Variants in RGL3 observed in about 807,000 individuals in gnomAD.
RGL3 encodes the protein ral guanine nucleotide dissociation stimulator-like 3.
A neutral mutation model predicts 90.6 loss-of-function variants in RGL3; 85 were observed. The ratio of observed to expected loss-of-function variants is 0.94; its 90% CI spans 0.79 to 1.12. RGL3 has a LOEUF of 1.12. Ranked by LOEUF, RGL3 falls within the 50% of genes most tolerant of loss-of-function variation. The pLI is 0.00. For synonymous variants in RGL3, 408 were observed against 385.5 expected, an observed-to-expected ratio of 1.06 and a Z score of -0.68; for missense variants, 1,034 against 939.2, an observed-to-expected ratio of 1.10 and a Z score of -1.32.
At chr19:11,409,183 AAAG>A (rs1294099343) in intron 5 of RGL3, among the ~76,000 whole-genome samples, 2 of 150,294 alleles carry the variant, frequency 1.3e-5, no homozygotes, top group Non-Finnish European at 3.0e-5. Flanking sequence ...AAAAAAAAAA[AAAG>A]AAAAGAAAAG....
Position 11,418,776 on chromosome 19 carries a change from C to T in RGL3, c.42G>A (p.Leu14=). The T allele has an allele frequency of 6.5e-7, 1 of 1,549,312 alleles. No homozygotes were observed. Among genetic ancestry groups the T allele is most frequent in the Non-Finnish European group, 8.7e-7 (1 of 1,150,622 alleles). Residue 14 remains leucine, a synonymous_variant, in exon 2 of 19, where the codon CTG becomes CTA. Coordinates refer to ENST00000380456, the MANE Select transcript of RGL3 (RefSeq NM_001035223.4). ...CCTCGGTCTCTTCACCCCAGTCCTGCAGCGGTGCCTGGACGCACAGGCGGA... is the reference window on the plus strand; with the variant it reads ...CCTCGGTCTCTTCACCCCAGTCCTGTAGCGGTGCCTGGACGCACAGGCGGA... ...TAGKELALAP[L]QDWGEETEDG... is the part of the protein sequence containing the mutation.
intron 7 of RGL3, among the ~76,000 whole-genome samples, 187 bp downstream of exon 7, chr19:11,406,232 G>A (rs139121772): frequency 2.1e-3 from 321 of 152,150 alleles, no homozygotes; most frequent in African/African-American, 7.2e-3. Context: ...TTGGGACCTA[G>A]TCGTGCCCGC....
rs58510644 is a variant in RGL3, at chr19:11,414,306, C to CAT, written c.637+1629_637+1630dup. Among the ~76,000 whole-genome samples the CAT allele has an allele frequency of 5.6e-3, 273 of 48,744 alleles. 46 individuals carry two copies. The highest frequency in any genetic ancestry group is 0.027 in the African/African-American group (247 of 9,102). The allele number at this position is 48,744 out of a possible 152,430, so 32.0% of individuals were successfully genotyped here. On this transcript the variant is annotated intron_variant, in intron 5 of 18. Coordinates refer to ENST00000380456, the MANE Select transcript of RGL3 (RefSeq NM_001035223.4). ...ATATATATATACCTTCATATATATACATATATATATATACCTTCATATATA... is the reference window on the plus strand; with the variant it reads ...ATATATATATACCTTCATATATATACATATATATATATATACCTTCATATATA...
intron 9 of RGL3, among the ~76,000 whole-genome samples, chr19:11,404,133 T>C (rs1012217976): frequency 6.6e-5 from 10 of 151,802 alleles, no homozygotes; most frequent in South Asian, 2.1e-4. Flanking sequence ...TCCTCTCACC[T>C]TGGCCTCCCA....
In RGL3 at chr19:11,415,985, C is replaced by G; in HGVS notation, c.589G>C (p.Glu197Gln). Reference protein sequence around the residue: ...KAEKLLEDFLEEAEREQEEEP... With the variant: ...KAEKLLEDFLQEAEREQEEEP... ...TCTTCCTGCTCTCGCTCAGCCTCCT[C>G]CAAAAAATCTTCCAGAAGCTTCTCT... The change falls in exon 5 of 19, where the codon GAG (glutamate) becomes CAG (glutamine). Residue 197 changes from glutamate to glutamine, a missense_variant. Physicochemically the swap from Glu to Gln is conservative, Grantham distance 29 (BLOSUM62 2). Coordinates refer to ENST00000380456, the MANE Select transcript of RGL3 (RefSeq NM_001035223.4). 6.2e-7 allele frequency: 1 copy of G among 1,613,956 alleles called. No homozygotes were observed. Among genetic ancestry groups the G allele is most frequent in the Non-Finnish European group, 8.5e-7 (1 of 1,179,988 alleles).
chr19:11,396,068 G>A (rs1368371279), intron 18 of RGL3, among the ~76,000 whole-genome samples: 1 of 132,578 alleles, frequency 7.5e-6, no homozygotes, highest in South Asian at 2.6e-4. Flanking sequence ...GTTGGAGTTG[G>A]GAATACAGGC....
At chr19:11,417,214 C>T (rs908205912) in intron 2 of RGL3, among the ~76,000 whole-genome samples, 155 bp from the exon 3 acceptor site, 5 of 150,604 alleles carry the variant, frequency 3.3e-5, no homozygotes, top group African/African-American at 9.8e-5. Flanking sequence ...TGCAGTGGCA[C>T]GATCTTGGGT....
rs200085480 is a variant in RGL3 at position 11,413,750 on chromosome 19, G to T, written c.637+2187C>A. On this transcript the variant is annotated intron_variant, in intron 5 of 18. Transcript: ENST00000380456. Reference sequence around the variant, plus strand: ...ATTATTATTATAATTTTGTTTTTTGGTTTTTTTTTTTTAGGCAGAGTCTCG... The same window carrying T: ...ATTATTATTATAATTTTGTTTTTTGTTTTTTTTTTTTTAGGCAGAGTCTCG... 5.9e-4 allele frequency among the ~76,000 whole-genome samples: 81 copies of T among 137,194 alleles called. 1 individual carries two copies. Among genetic ancestry groups the T allele is most frequent in the East Asian group, 4.3e-3 (20 of 4,694 alleles). 90.0% of individuals were successfully genotyped at this position (137,194 alleles called of 152,430 possible). A position where few individuals can be genotyped will look rare whatever the true frequency, so the allele number is the denominator to read the frequency against.
In RGL3 at chr19:11,419,199, T is replaced by G. The variant is rs371858510; in HGVS notation, c.33+47A>C. On this transcript the variant is annotated intron_variant, in intron 1 of 18. Coordinates refer to ENST00000380456, the MANE Select transcript of RGL3 (RefSeq NM_001035223.4). ...GGCGGGCGCTTGGAGTTTCTGGACC[T>G]GCGGGTCACCAGGGATGCGGGGTCC... 10 of 1,575,518 alleles carry G rather than the reference T, an allele frequency of 6.3e-6. No homozygotes were observed. The Admixed American group carries it at 1.4e-4, about 23-fold the overall frequency.
At chr19:11,419,165 C>T in intron 1 of RGL3, 81 bp downstream of exon 1, 43 of 1,475,328 alleles carry the variant, frequency 2.9e-5, no homozygotes, top group Non-Finnish European at 3.9e-5. Flanking sequence ...GAGCAGATAC[C>T]GTCCGACGGG....
chr19:11,418,772 C>T lies in RGL3; in HGVS notation c.46G>A (p.Asp16Asn). ...CCGTCCTCGGTCTCTTCACCCCAGT[C>T]CTGCAGCGGTGCCTGGACGCACAGG... ...GKELALAPLQDWGEETEDGAV... is the reference protein window; with the variant it reads ...GKELALAPLQNWGEETEDGAV... The change falls in exon 2 of 19, where the codon GAC becomes AAC. Residue 16 changes from aspartate to asparagine, a missense_variant. Transcript: ENST00000380456. The T allele has an allele frequency of 6.4e-7, 1 of 1,552,642 alleles. No individual in the cohort carries two copies. Among genetic ancestry groups the T allele is most frequent in the Non-Finnish European group, 8.7e-7 (1 of 1,152,336 alleles).
chr19:11,417,476 T>TA (rs1365228041), intron 2 of RGL3, among the ~76,000 whole-genome samples: 1 of 146,316 alleles, frequency 6.8e-6, no homozygotes, highest in Non-Finnish European at 1.5e-5. Flanking sequence ...ACCACTTTTT[T>TA]TTTTTTTTTT....
chr19:11,406,539 G>A lies in RGL3; in HGVS notation c.876C>T (p.Arg292=). 6.5e-7 allele frequency: 1 copy of A among 1,550,016 alleles called. No individual in the cohort carries two copies. Among genetic ancestry groups the A allele is most frequent in the South Asian group, 1.2e-5 (1 of 84,210 alleles). ...CGGTGTTGAACTGGGCCACGGTGGC[G>A]CGCACAGTGGGGGAGGCGCCTGCAG... ...PGAAGASPTV[R]ATVAQFNTVT... The change falls in exon 7 of 19, where the codon CGC becomes CGT. Residue 292 remains arginine (R), a synonymous_variant. Coordinates refer to ENST00000380456, the MANE Select transcript of RGL3 (RefSeq NM_001035223.4).
intron 5 of RGL3, among the ~76,000 whole-genome samples, chr19:11,415,552 C>T (rs1462669726): frequency 6.6e-6 from 1 of 152,032 alleles, no homozygotes; most frequent in Admixed American, 6.6e-5. Flanking sequence ...CTCGACTCAC[C>T]GCAACCTCCG....
chr19:11,402,389 T>C (rs1191629517), intron 11 of RGL3, 66 bp downstream of exon 11: 10 of 1,565,868 alleles, frequency 6.4e-6, no homozygotes, highest in East Asian at 2.2e-5. Flanking sequence ...AGGGTGGATA[T>C]TGGGAGGCCC....
chr19:11,405,692 A>C lies in RGL3; in HGVS notation c.997-266T>G, dbSNP rs142159985. On this transcript the variant is annotated intron_variant, in intron 7 of 18. Transcript: ENST00000380456. ...CGCGCGCCATCATGCATGGCTTATT[A>C]TTATTATTATTATTAATTATTTGGA... is the stretch of plus-strand genomic sequence containing the variant. Among the ~76,000 whole-genome samples, 574 of 146,292 alleles carry C rather than the reference A, an allele frequency of 3.9e-3. 3 individuals are homozygous for C. The highest frequency in any genetic ancestry group is 0.018 in the Middle Eastern group (5 of 278).
intron 4 of RGL3, 73 bp from the exon 5 acceptor site, chr19:11,416,221 T>A: frequency 4.9e-6 from 4 of 814,428 alleles, no homozygotes; most frequent in Non-Finnish European, 6.5e-6. Flanking sequence ...GGTACCTTTT[T>A]TTTTTTTTTT....
intron 5 of RGL3, among the ~76,000 whole-genome samples, chr19:11,407,884 CCAT>C (rs1440599293): frequency 6.6e-6 from 1 of 150,476 alleles, no homozygotes; most frequent in Non-Finnish European, 1.5e-5. Flanking sequence ...CAGGGTTTCA[CCAT>C]GTTGGCCAGG....
At chr19:11,418,882 T>C (rs917971415) in intron 1 of RGL3, 98 bp from the exon 2 acceptor site, 9 of 952,384 alleles carry the variant, frequency 9.4e-6, no homozygotes, top group Non-Finnish European at 1.2e-5. Context: ...TCCTGCTGCA[T>C]CCCCACGCCC....
Sources: gnomAD v4.1 joint callset for allele counts (sites outside exome capture counted in the v4.1 genomes callset) on GRCh38, gnomAD v4.1.1 for gene constraint, MANE v1.5 for transcripts, NCBI Gene and HGNC (gene_info 2026-07-23, HGNC 2026-07-21) for gene names.